Variants in FAT3 observed in about 807,000 individuals in gnomAD.
The protein encoded by FAT3 is FAT atypical cadherin 3, also known as protocadherin Fat 3.
A neutral mutation model predicts 310.2 loss-of-function variants in FAT3; 95 were observed. The observed-to-expected ratio is 0.31, with a 90% CI of 0.26 to 0.36. The LOEUF (loss-of-function observed/expected upper bound fraction) is 0.36, where lower values mean the gene tolerates loss of function less well. Ranked by LOEUF, FAT3 falls within the 10% of genes least tolerant of loss-of-function variation. The probability of loss-of-function intolerance (pLI) is 1.00; values close to 1 mark genes in which losing one functional copy is unlikely to be tolerated. For missense variants in FAT3, 5,408 were observed against 5,715.6 expected (o/e 0.95, Z 1.74); for synonymous variants, 2,314 against 2,192.9 (o/e 1.06, Z -1.54).
intron 21 of FAT3, 33 bp downstream of exon 21, chr11:92,859,355 A>C: frequency 6.6e-7 from 1 of 1,518,402 alleles, no homozygotes; most frequent in Non-Finnish European, 8.9e-7. Context: ...TTCTGCAGTC[A>C]GTTCTCATGT....
At chr11:92,254,569 C>T (rs1004783483) in intron 1 of FAT3, among the ~76,000 whole-genome samples, 1 of 151,956 alleles carries the variant, frequency 6.6e-6, no homozygotes, top group African/African-American at 2.4e-5. Flanking sequence ...TGGATAAATT[C>T]CAAACTAATT....
At chr11:92,281,334 TATTTATA>T (rs1946415692) in intron 1 of FAT3, among the ~76,000 whole-genome samples, 2 of 152,302 alleles carry the variant, frequency 1.3e-5, no homozygotes, top group South Asian at 4.1e-4. Context: ...TATATCTTTA[TATTTATA>T]ATTTATTTTA....
At chr11:92,815,536 G>A (rs940261839) in intron 13 of FAT3, among the ~76,000 whole-genome samples, 13 of 151,958 alleles carry the variant, frequency 8.6e-5, no homozygotes, top group Non-Finnish European at 1.0e-4. Flanking sequence ...TCACGCCACC[G>A]CACTCCAGCC....
At chr11:92,229,526 A>G (rs1390809567) in intron 1 of FAT3, among the ~76,000 whole-genome samples, 2 of 51,020 alleles carry the variant, frequency 3.9e-5, no homozygotes, top group African/African-American at 8.4e-5. Context: ...TTTTTTTTAC[A>G]TTGCCTCCCT....
chr11:92,350,481 A>G (rs990685560), intron 1 of FAT3, among the ~76,000 whole-genome samples: 4 of 152,016 alleles, frequency 2.6e-5, no homozygotes, highest in Non-Finnish European at 4.4e-5. Flanking sequence ...TATGTTGACT[A>G]TTTCATTAGA....
intron 2 of FAT3, among the ~76,000 whole-genome samples, chr11:92,453,769 G>T (rs138733112): frequency 1.4e-4 from 21 of 152,154 alleles, no homozygotes; most frequent in African/African-American, 4.3e-4. Context: ...AATTGTCTAG[G>T]TGAAATGCAA....
chr11:92,263,763 A>T (rs1007061104), intron 1 of FAT3, among the ~76,000 whole-genome samples: 4 of 152,020 alleles, frequency 2.6e-5, no homozygotes, highest in African/African-American at 9.7e-5. Context: ...GTCAGCATTG[A>T]TCATGTCCTA....
intron 1 of FAT3, among the ~76,000 whole-genome samples, chr11:92,231,929 A>T (rs1249155231): frequency 2.6e-5 from 4 of 152,172 alleles, no homozygotes; most frequent in Non-Finnish European, 5.9e-5. Flanking sequence ...CATTTATCAC[A>T]CATGACATTT....
At chr11:92,557,871 A>G (rs948790376) in intron 3 of FAT3, among the ~76,000 whole-genome samples, 1 of 152,234 alleles carries the variant, frequency 6.6e-6, no homozygotes, top group Non-Finnish European at 1.5e-5. Flanking sequence ...CCAATCCTCT[A>G]TTCCTGAGGG....
At chr11:92,670,508 C>T (rs188804566) in intron 3 of FAT3, among the ~76,000 whole-genome samples, 6 of 152,268 alleles carry the variant, frequency 3.9e-5, no homozygotes, top group African/African-American at 1.4e-4. Context: ...TGGGAGGAAG[C>T]ACTTTGTTAA....
intron 2 of FAT3, among the ~76,000 whole-genome samples, chr11:92,371,586 G>A (rs776476964): frequency 3.2e-4 from 49 of 152,108 alleles, no homozygotes; most frequent in Non-Finnish European, 5.9e-4. Context: ...GTGTGGTGGC[G>A]CACACCTGTA....
chr11:92,663,460 C>T (rs575724964), intron 3 of FAT3, among the ~76,000 whole-genome samples: 30 of 152,170 alleles, frequency 2.0e-4, no homozygotes, highest in African/African-American at 7.0e-4. Context: ...AAAATATAAC[C>T]ATCCCTCTCC....
intron 1 of FAT3, among the ~76,000 whole-genome samples, chr11:92,315,508 TATATAGAGAG>T (rs1421124728): frequency 1.2e-3 from 97 of 83,298 alleles, no homozygotes; most frequent in Middle Eastern, 6.6e-3. Context: ...TATATATATA[TATATAGAGAG>T]AGAGAGAGAG....
intron 3 of FAT3, among the ~76,000 whole-genome samples, chr11:92,605,952 C>T (rs1011675342): frequency 6.6e-6 from 1 of 152,048 alleles, no homozygotes; most frequent in African/African-American, 2.4e-5. Context: ...TTGAATGTGG[C>T]AGACAGCAAA....
chr11:92,574,351 C>A (rs1010071427), intron 3 of FAT3, among the ~76,000 whole-genome samples: 1 of 152,114 alleles, frequency 6.6e-6, no homozygotes, highest in Non-Finnish European at 1.5e-5. Context: ...GTATCTTCTC[C>A]CATGAATCCA....
intron 1 of FAT3, among the ~76,000 whole-genome samples, chr11:92,281,178 CACAA>C (rs1233428024): frequency 1.1e-4 from 16 of 151,872 alleles, no homozygotes; most frequent in Non-Finnish European, 4.4e-5. Context: ...GAGTATGAAA[CACAA>C]ACACATGTAT....
chr11:92,384,532 A>AT (rs1949574713), intron 2 of FAT3, among the ~76,000 whole-genome samples: 1 of 152,184 alleles, frequency 6.6e-6, no homozygotes, highest in African/African-American at 2.4e-5. Flanking sequence ...TTGCCCCATG[A>AT]TGTGTTGATT....
intron 2 of FAT3, among the ~76,000 whole-genome samples, chr11:92,441,866 G>C (rs1040704741): frequency 6.6e-6 from 1 of 151,482 alleles, no homozygotes; most frequent in Non-Finnish European, 1.5e-5. Context: ...TCAACTTCTT[G>C]CAAATGGTTG....
intron 2 of FAT3, among the ~76,000 whole-genome samples, chr11:92,486,262 CTG>C (rs1345266869): frequency 6.8e-6 from 1 of 147,454 alleles, no homozygotes; most frequent in East Asian, 2.1e-4. Context: ...ACTTTATTGA[CTG>C]TGTATTAACA....
Sources: gnomAD v4.1 joint callset for allele counts (sites outside exome capture counted in the v4.1 genomes callset) on GRCh38, gnomAD v4.1.1 for gene constraint, MANE v1.5 for transcripts, NCBI Gene and HGNC (gene_info 2026-07-23, HGNC 2026-07-21) for gene names.